LARP4B: variants seen among roughly 807,000 people sequenced by gnomAD.
LARP4B encodes La ribonucleoprotein 4B.
In LARP4B, 12 loss-of-function variants were observed where a neutral mutation model predicts 89.8. The observed-to-expected ratio is 0.13, with a 90% CI of 0.09 to 0.22. The LOEUF (loss-of-function observed/expected upper bound fraction) is 0.22, where lower values mean the gene tolerates loss of function less well. Ranked by LOEUF, LARP4B falls within the 10% of genes least tolerant of loss-of-function variation. LARP4B has a pLI of 1.00. For synonymous variants in LARP4B, 367 were observed against 363.3 expected, an observed-to-expected ratio of 1.01 and a Z score of -0.12; for missense variants, 757 against 947.7, an observed-to-expected ratio of 0.80 and a Z score of 2.64.
chr10:938,328 A>G, the LARP4B span, among the ~76,000 whole-genome samples: 117 of 147,242 alleles, frequency 7.9e-4, no homozygotes, highest in Middle Eastern at 3.5e-3. Context: ...TGGGCTCACT[A>G]CAAGCTCCGC....
chr10:885,517 A>G (rs559203150), intron 2 of LARP4B, 124 bp downstream of exon 2: 30 of 605,578 alleles, frequency 5.0e-5, no homozygotes, highest in South Asian at 1.2e-4. Flanking sequence ...CGAGACTCTA[A>G]TATCTGTATG....
intron 13 of LARP4B, among the ~76,000 whole-genome samples, chr10:823,978 A>C (rs1832487997): frequency 6.6e-6 from 1 of 152,168 alleles, no homozygotes; most frequent in Non-Finnish European, 1.5e-5. Flanking sequence ...TATGGGCAGG[A>C]ATGAGATGCT....
At chr10:886,720 C>T (rs529908730) in intron 1 of LARP4B, among the ~76,000 whole-genome samples, 21 of 152,312 alleles carry the variant, frequency 1.4e-4, no homozygotes, top group African/African-American at 5.1e-4. Context: ...AGCACAAAAA[C>T]ACAAATACTG....
At chr10:824,633 G>A (rs1832526907) in intron 13 of LARP4B, among the ~76,000 whole-genome samples, 1 of 152,246 alleles carries the variant, frequency 6.6e-6, no homozygotes, top group African/African-American at 2.4e-5. Context: ...CCAATGAGAT[G>A]AGACTGCAAT....
intron 1 of LARP4B, among the ~76,000 whole-genome samples, chr10:893,744 C>T (rs1836107643): frequency 6.6e-6 from 1 of 152,162 alleles, no homozygotes; most frequent in South Asian, 2.1e-4. Context: ...CTGGTCCCAT[C>T]AGGAAGACAC....
At chr10:961,039 G>A in the LARP4B span, among the ~76,000 whole-genome samples, 1 of 152,114 alleles carries the variant, frequency 6.6e-6, no homozygotes, top group Non-Finnish European at 1.5e-5. Context: ...CAGTAGGAAC[G>A]CCAAACTGCC....
intron 14 of LARP4B, 33 bp downstream of exon 14, chr10:820,767 T>C (rs1487347330): frequency 6.4e-7 from 1 of 1,563,186 alleles, no homozygotes. Flanking sequence ...GATTTAAATG[T>C]CTTGTGAAGA....
intron 3 of LARP4B, among the ~76,000 whole-genome samples, chr10:867,692 C>A (rs959773008): frequency 1.3e-5 from 2 of 151,818 alleles, no homozygotes; most frequent in African/African-American, 2.4e-5. Flanking sequence ...GAAACCCCGT[C>A]TCTACTGAAA....
chr10:856,687 T>C (rs1834319095), intron 5 of LARP4B, among the ~76,000 whole-genome samples: 1 of 152,196 alleles, frequency 6.6e-6, no homozygotes, highest in African/African-American at 2.4e-5. Flanking sequence ...TGACTTATAC[T>C]TTCTGGAGCT....
At chr10:967,086 G>A in the LARP4B span, among the ~76,000 whole-genome samples, 5 of 152,212 alleles carry the variant, frequency 3.3e-5, no homozygotes, top group East Asian at 1.9e-4. Context: ...CCGGGATCAC[G>A]GAACAATGTG....
At chr10:865,730 G>A (rs948621160) in intron 3 of LARP4B, among the ~76,000 whole-genome samples, 4 of 152,178 alleles carry the variant, frequency 2.6e-5, no homozygotes, top group Non-Finnish European at 4.4e-5. Context: ...AAAGTCAAAT[G>A]TCCAAACACA....
intron 8 of LARP4B, among the ~76,000 whole-genome samples, 186 bp from the exon 9 acceptor site, chr10:831,163 T>C (rs777312774): frequency 6.6e-6 from 1 of 152,012 alleles, no homozygotes; most frequent in Non-Finnish European, 1.5e-5. Context: ...AGAATCACAA[T>C]GCCATAGAGA....
chr10:816,124 T>C (rs1049562382), intron 15 of LARP4B, among the ~76,000 whole-genome samples: 2 of 152,112 alleles, frequency 1.3e-5, no homozygotes, highest in African/African-American at 4.8e-5. Flanking sequence ...AGCTACTCGG[T>C]AGGCCGAGGC....
chr10:943,526 C>A, the LARP4B span, among the ~76,000 whole-genome samples: 2 of 152,098 alleles, frequency 1.3e-5, no homozygotes, highest in African/African-American at 4.8e-5. Context: ...ACCTCCTGGG[C>A]CCAGATGATC....
the LARP4B span, among the ~76,000 whole-genome samples, chr10:977,972 G>A: frequency 1.4e-4 from 22 of 152,122 alleles, no homozygotes; most frequent in African/African-American, 1.7e-4. Flanking sequence ...TGAGCCCCCC[G>A]CCTAGGGTGT....
chr10:877,679 T>G (rs1345730422), intron 3 of LARP4B, among the ~76,000 whole-genome samples: 1 of 152,190 alleles, frequency 6.6e-6, no homozygotes, highest in African/African-American at 2.4e-5. Context: ...CAGGAATTTA[T>G]GAGTAAACGG....
In LARP4B at chr10:822,955, G is replaced by T. The variant is rs1354591992; in HGVS notation, c.1484+2110C>A. On this transcript the variant is annotated intron_variant, in intron 13 of 17. Transcript: ENST00000316157. The surrounding 1 kb of genome is among the most constrained non-coding windows in gnomAD (Gnocchi z 4.6). ...TTAGCACTTTGGTCCAATAGAGAAA[G>T]TTAATGGAAACAAAACAAACCCTCC... 6.6e-6 allele frequency among the ~76,000 whole-genome samples: 1 copy of T among 152,220 alleles called. No individual in the cohort carries two copies. The highest frequency in any genetic ancestry group is 1.9e-4 in the East Asian group (1 of 5,192).
intron 1 of LARP4B, among the ~76,000 whole-genome samples, chr10:927,978 C>T (rs540947172): frequency 1.3e-5 from 2 of 151,740 alleles, no homozygotes; most frequent in Non-Finnish European, 2.9e-5. Flanking sequence ...TTTGGGAGGC[C>T]GAGGCGGGCG....
At chr10:862,872 T>C (rs576343619) in intron 5 of LARP4B, among the ~76,000 whole-genome samples, 1 of 152,370 alleles carries the variant, frequency 6.6e-6, no homozygotes, top group East Asian at 1.9e-4. Context: ...TTCCGTTTTT[T>C]AGCCACTACT....
Sources: gnomAD v4.1 joint callset for allele counts (sites outside exome capture counted in the v4.1 genomes callset) on GRCh38, gnomAD v4.1.1 for gene constraint, Gnocchi (gnomAD v3.1) non-coding constraint, MANE v1.5 for transcripts, NCBI Gene and HGNC (gene_info 2026-07-23, HGNC 2026-07-21) for gene names.